CRYAB: variants seen among roughly 807,000 people sequenced by gnomAD.
CRYAB encodes the protein crystallin alpha B.
A neutral mutation model predicts 12.7 loss-of-function variants in CRYAB; 9 were observed. The ratio of observed to expected loss-of-function variants is 0.71; its 90% CI spans 0.43 to 1.24. The LOEUF is 1.24. CRYAB is among the 50% of genes most tolerant of loss of function. CRYAB has a pLI of 0.00. For missense variants in CRYAB, 183 were observed against 226.6 expected (o/e 0.81, Z 1.24); for synonymous variants, 93 against 86.8 (o/e 1.07, Z -0.40).
upstream of CRYAB, among the ~76,000 whole-genome samples, chr11:111,914,834 G>C (rs1965572283): frequency 1.3e-5 from 2 of 152,176 alleles, no homozygotes; most frequent in Non-Finnish European, 1.5e-5. Flanking sequence ...CCAGTACTTT[G>C]GGAGGCCGAG....
upstream of CRYAB, chr11:111,917,988 C>T (rs1316095214): frequency 4.1e-4 from 63 of 152,258 alleles, no homozygotes; most frequent in Admixed American, 3.8e-3. Context: ...ACCCATGTTT[C>T]ATAAGAGGAG....
chr11:111,912,743 A>C, upstream of CRYAB: 2 of 826,542 alleles, frequency 2.4e-6, no homozygotes, highest in South Asian at 1.5e-5. Flanking sequence ...CCTCCTATCG[A>C]GCCCTGGCTC....
intron 1 of CRYAB, chr11:111,923,560 A>G (rs1289456686): frequency 6.6e-6 from 1 of 152,156 alleles, no homozygotes; most frequent in African/African-American, 2.4e-5. Flanking sequence ...TATTTAGCCT[A>G]TTTCCTCAGT....
At chr11:111,909,218 A>C (rs190876185) in intron 2 of CRYAB, 1 of 569,924 alleles carries the variant, frequency 1.8e-6, no homozygotes, top group South Asian at 1.5e-5. Context: ...TGAGGCATAG[A>C]TATGTTTAGG....
chr11:111,919,029 G>A lies in CRYAB; in HGVS notation c.-199+4674C>T, dbSNP rs1555166304. The A allele has an allele frequency of 2.5e-6, 4 of 1,613,968 alleles. No individual in the cohort carries two copies. In the South Asian group the frequency reaches 3.3e-5, roughly 13 times the overall value. ...GGTGAGTAGGCTGGAAGGGCAAAGG[G>A]GAACATCTATCTCTGTTGGTGGATG... On this transcript the variant is annotated intron_variant, in intron 1 of 3. Transcript: ENST00000527950.
rs189317682 is a variant in CRYAB, at chr11:111,920,411, G to A, written c.-199+3292C>T. On this transcript the variant is annotated intron_variant, in intron 1 of 3. Coordinates refer to the CRYAB transcript ENST00000527950. ...AAATTAGCCAGGCATGGTGGCACACGCCTGTAATCTGAGCTACTTGAGAAG... is the reference window on the plus strand; with the variant it reads ...AAATTAGCCAGGCATGGTGGCACACACCTGTAATCTGAGCTACTTGAGAAG... Among the ~76,000 whole-genome samples, 430 of 151,988 alleles carry A rather than the reference G, an allele frequency of 2.8e-3. 8 individuals are homozygous for A. Among genetic ancestry groups the A allele is most frequent in the African/African-American group, 9.7e-3 (401 of 41,450 alleles).
chr11:111,909,631 A>G, intron 2 of CRYAB: 1 of 203,078 alleles, frequency 4.9e-6, no homozygotes, highest in Admixed American at 5.3e-5. Context: ...ACTCTCAAGC[A>G]TGTAGCCAAA....
chr11:111,910,955 T>C (rs1965434476), intron 1 of CRYAB: 1 of 242,200 alleles, frequency 4.1e-6, no homozygotes. Context: ...CTGTCAACCT[T>C]ATTTGTTCAC....
chr11:111,923,518 G>A (rs1424399829), intron 1 of CRYAB, among the ~76,000 whole-genome samples: 1 of 152,190 alleles, frequency 6.6e-6, no homozygotes, highest in African/African-American at 2.4e-5. Context: ...TAGCAAGAAA[G>A]CAAGAAAAAG....
At chr11:111,917,887 C>T (rs1965622190), upstream of CRYAB, 1 of 152,020 alleles carries the variant, frequency 6.6e-6, no homozygotes, top group South Asian at 2.1e-4. Flanking sequence ...ATAATAACAA[C>T]AATGCCTAAC....
chr11:111,909,235 TC>T (rs1965376569), intron 2 of CRYAB: 1 of 532,686 alleles, frequency 1.9e-6, no homozygotes, highest in African/African-American at 1.9e-5. Context: ...TAGGGGTATT[TC>T]CCAAAGGTTT....
chr11:111,917,503 A>G (rs1965614903), upstream of CRYAB, among the ~76,000 whole-genome samples: 1 of 152,056 alleles, frequency 6.6e-6, no homozygotes, highest in Non-Finnish European at 1.5e-5. Context: ...CAGGGGCAAC[A>G]TAGCAAGACC....
upstream of CRYAB, among the ~76,000 whole-genome samples, chr11:111,916,683 G>A (rs1267561711): frequency 6.6e-6 from 1 of 152,164 alleles, no homozygotes; most frequent in Non-Finnish European, 1.5e-5. Flanking sequence ...ACAGACTTCA[G>A]TGGAATAATC....
chr11:111,918,974 T>G, intron 1 of CRYAB: 3 of 1,614,034 alleles, frequency 1.9e-6, no homozygotes, highest in Non-Finnish European at 1.7e-6. Context: ...CAGAGCGCCA[T>G]GGGAAACCGG....
In CRYAB at chr11:111,911,621, G is replaced by C; in HGVS notation, c.104C>G (p.Ser35Cys). 1 of 1,612,866 alleles carries C rather than the reference G, an allele frequency of 6.2e-7. No homozygotes were observed. The highest frequency in any genetic ancestry group is 1.1e-5 in the South Asian group (1 of 90,642). ...GGAAGTAGACGTCGGGAAAAGATCA[G>C]ACTCCAACAGGTGCTCTCCGAAGAA... The part of the protein sequence containing the change: ...DQFFGEHLLE[S>C]DLFPTSTSLS... The change falls in exon 1 of 3, where the codon TCT becomes TGT. Residue 35 changes from serine to cysteine, a missense_variant. Physicochemically the swap from Ser to Cys is moderately radical, Grantham distance 112 (BLOSUM62 -1). Around this residue, in one of 3 missense-constraint regions of CRYAB, gnomAD observed 86 missense variants for 96.1 expected, o/e 0.89. Coordinates refer to ENST00000650687, the MANE Select transcript of CRYAB (RefSeq NM_001289808.2).
At chr11:111,919,418 A>T (rs767448317) in intron 1 of CRYAB, among the ~76,000 whole-genome samples, 55 of 152,132 alleles carry the variant, frequency 3.6e-4, no homozygotes, top group Admixed American at 1.6e-3. Context: ...GGTTGCAGTG[A>T]GCCGAGATCG....
chr11:111,913,382 G>T (rs1477429570), upstream of CRYAB: 14 of 1,329,178 alleles, frequency 1.1e-5, no homozygotes, highest in Non-Finnish European at 1.5e-5. Flanking sequence ...TTCCCATTTC[G>T]CCCCTGTGCC....
At chr11:111,912,684 C>CT (rs1965502930), upstream of CRYAB, 1 of 518,276 alleles carries the variant, frequency 1.9e-6, no homozygotes, top group African/African-American at 2.0e-5. Flanking sequence ...CAGCCCCTCC[C>CT]CCCCCAAGAG....
chr11:111,913,912 AC>A, upstream of CRYAB: 2 of 1,582,736 alleles, frequency 1.3e-6, no homozygotes, highest in South Asian at 2.3e-5. Flanking sequence ...CAGACCCAGC[AC>A]CCAGCAAATC....
Sources: allele counts gnomAD v4.1 joint callset (sites outside exome capture counted in the v4.1 genomes callset), GRCh38; gene constraint gnomAD v4.1.1; regional missense constraint gnomAD v4.1.1; transcripts MANE v1.5; gene names NCBI Gene and HGNC (gene_info 2026-07-23, HGNC 2026-07-21).